ATP2B2: variants seen among roughly 807,000 people sequenced by gnomAD.
ATP2B2 encodes the protein plasma membrane calcium-transporting ATPase 2.
Under a neutral mutation model 120.0 loss-of-function variants are expected in ATP2B2, and 15 were observed. That is an observed-to-expected ratio of 0.12 (90% CI 0.08 to 0.19). The LOEUF is 0.19. ATP2B2 is among the 10% of genes least tolerant of loss of function. The probability of loss-of-function intolerance (pLI) is 1.00; values close to 1 mark genes in which losing one functional copy is unlikely to be tolerated. For missense variants in ATP2B2, 1,045 were observed against 1,719.8 expected, an observed-to-expected ratio of 0.61 and a Z score of 6.94; for synonymous variants, 694 against 700.3, an observed-to-expected ratio of 0.99 and a Z score of 0.14.
intron 22 of ATP2B2, chr3:10,332,261 G>A (rs944429670): frequency 1.8e-6 from 1 of 547,486 alleles, no homozygotes; most frequent in Non-Finnish European, 3.3e-6. Context: ...AGGGGAAGTG[G>A]GAGCAGGAGG....
chr3:10,617,330 C>T (rs973846501), intron 2 of ATP2B2, among the ~76,000 whole-genome samples: 2 of 152,106 alleles, frequency 1.3e-5, no homozygotes, highest in Non-Finnish European at 2.9e-5. Context: ...TAAAAGATTC[C>T]CAGGGTTTCT....
At chr3:10,605,987 A>G (rs958354160) in intron 2 of ATP2B2, among the ~76,000 whole-genome samples, 2 of 151,852 alleles carry the variant, frequency 1.3e-5, no homozygotes, top group Non-Finnish European at 2.9e-5. Flanking sequence ...CTGTGGTGGT[A>G]TGCACCTGTG....
intron 1 of ATP2B2, among the ~76,000 whole-genome samples, chr3:10,683,171 T>TC (rs2071425113): frequency 6.6e-6 from 1 of 151,784 alleles, no homozygotes; most frequent in African/African-American, 2.4e-5. Flanking sequence ...AAATTTTTTT[T>TC]TTTATTTTAC....
At chr3:10,404,716 C>T (rs145505787) in intron 3 of ATP2B2, among the ~76,000 whole-genome samples, 217 of 152,222 alleles carry the variant, frequency 1.4e-3, no homozygotes, top group Non-Finnish European at 2.5e-3. Context: ...AAATGGTGAA[C>T]GGTGCCTCCT....
intron 22 of ATP2B2, among the ~76,000 whole-genome samples, chr3:10,334,996 T>C (rs1295169168): frequency 1.3e-5 from 2 of 152,244 alleles, no homozygotes; most frequent in Non-Finnish European, 2.9e-5. Context: ...ACTGGAAACA[T>C]AGCAGGGCGA....
At chr3:10,575,787 T>C (rs1052806162) in intron 2 of ATP2B2, among the ~76,000 whole-genome samples, 15 of 152,300 alleles carry the variant, frequency 9.8e-5, no homozygotes, top group African/African-American at 3.1e-4. Context: ...GGAGGCTCTA[T>C]GTAGGGTTGC....
intron 2 of ATP2B2, among the ~76,000 whole-genome samples, chr3:10,443,840 T>C (rs572692356): frequency 4.6e-5 from 7 of 152,262 alleles, no homozygotes; most frequent in Non-Finnish European, 1.0e-4. Flanking sequence ...CACTTTCAAC[T>C]CACGGTCTAC....
chr3:10,691,321 T>C (rs2125714026), intron 1 of ATP2B2, among the ~76,000 whole-genome samples: 1 of 152,268 alleles, frequency 6.6e-6, no homozygotes, highest in East Asian at 1.9e-4. Flanking sequence ...GTGCCATGAG[T>C]ACGATGAGGT....
chr3:10,547,945 T>C (rs1446636136), intron 2 of ATP2B2, among the ~76,000 whole-genome samples: 1 of 152,208 alleles, frequency 6.6e-6, no homozygotes, highest in Non-Finnish European at 1.5e-5. Context: ...CCCCTTTCCA[T>C]GGCATTTGGG....
chr3:10,633,985 C>G (rs2125642465), intron 1 of ATP2B2, among the ~76,000 whole-genome samples: 1 of 152,236 alleles, frequency 6.6e-6, no homozygotes, highest in East Asian at 1.9e-4. Context: ...GTAAGAATGC[C>G]CCACCGCCCA....
rs1042748900 is a variant in ATP2B2, at chr3:10,326,079, A to T, written c.*2735T>A. ...ATTGCATAGTATTAAATGAACAGAGATGGTGAGTTCTTTATTTACATTATT... is the reference window on the plus strand; with the variant it reads ...ATTGCATAGTATTAAATGAACAGAGTTGGTGAGTTCTTTATTTACATTATT... On this transcript the variant is annotated 3_prime_UTR_variant, in exon 23 of 23. Coordinates refer to ENST00000360273, the MANE Select transcript of ATP2B2 (RefSeq NM_001001331.4). 3 of 102,784 alleles carry T rather than the reference A, an allele frequency of 2.9e-5. No homozygotes were observed. Among genetic ancestry groups the T allele is most frequent in the Non-Finnish European group, 5.9e-5 (3 of 51,008 alleles). 6.4% of individuals were successfully genotyped at this position (102,784 alleles called of 1,614,324 possible).
chr3:10,503,121 G>A (rs1267697335), intron 1 of ATP2B2, among the ~76,000 whole-genome samples: 2 of 152,246 alleles, frequency 1.3e-5, no homozygotes, highest in Admixed American at 6.5e-5. Flanking sequence ...GGAGGGCAGC[G>A]GGACAGCACA....
At chr3:10,510,826 T>C (rs1041374272) in intron 3 of ATP2B2, among the ~76,000 whole-genome samples, 12 of 152,206 alleles carry the variant, frequency 7.9e-5, no homozygotes, top group Non-Finnish European at 1.3e-4. Context: ...TCAGAGCTAA[T>C]ACCTCCTTGG....
At chr3:10,446,034 G>A (rs1221881366) in intron 2 of ATP2B2, among the ~76,000 whole-genome samples, 3 of 152,220 alleles carry the variant, frequency 2.0e-5, no homozygotes, top group Non-Finnish European at 4.4e-5. Context: ...GGCCGTGCTT[G>A]GCTCAGGTCT....
intron 2 of ATP2B2, among the ~76,000 whole-genome samples, chr3:10,589,297 C>T (rs1043266570): frequency 1.3e-5 from 2 of 152,174 alleles, no homozygotes; most frequent in Admixed American, 6.5e-5. Context: ...TCTCTACAGG[C>T]TTGCTCATTA....
chr3:10,345,713 C>T, intron 17 of ATP2B2, 138 bp from the exon 18 acceptor site: 2 of 830,532 alleles, frequency 2.4e-6, no homozygotes, highest in Non-Finnish European at 3.8e-6. Flanking sequence ...CACACAGGGA[C>T]ACCCCACTCT....
intron 1 of ATP2B2, among the ~76,000 whole-genome samples, chr3:10,488,507 GTTCCTTCCTTCCTTCCTTCCTTCT>G (rs2065812446): frequency 1.1e-5 from 1 of 95,176 alleles, no homozygotes; most frequent in African/African-American, 4.1e-5. Context: ...TCCTTCCTTC[GTTCCTTCCTTCCTTCCTTCCTTCT>G]TTCCTTCCTT....
intron 2 of ATP2B2, among the ~76,000 whole-genome samples, chr3:10,534,408 G>A (rs565169646): frequency 6.6e-5 from 10 of 152,336 alleles, no homozygotes; most frequent in African/African-American, 1.9e-4. Flanking sequence ...TGAGTGGCAG[G>A]CCCCAGAGAG....
At chr3:10,332,271 G>T in intron 22 of ATP2B2, 1 of 540,620 alleles carries the variant, frequency 1.8e-6, no homozygotes, top group Non-Finnish European at 3.4e-6. Flanking sequence ...GGAGCAGGAG[G>T]TGCCTTATCT....
Sources: gnomAD v4.1 joint callset for allele counts (sites outside exome capture counted in the v4.1 genomes callset) on GRCh38, gnomAD v4.1.1 for gene constraint, MANE v1.5 for transcripts, NCBI Gene and HGNC (gene_info 2026-07-23, HGNC 2026-07-21) for gene names.